Variants in OR1J2 observed in about 807,000 individuals in gnomAD.
OR1J2 encodes olfactory receptor 1J2.
For synonymous variants in OR1J2, 142 were observed against 99.7 expected, an observed-to-expected ratio of 1.42 and a Z score of -2.52; for missense variants, 304 against 246.1, an observed-to-expected ratio of 1.24 and a Z score of -1.57.
the OR1J2 span, among the ~76,000 whole-genome samples, chr9:122,522,582 CAT>C: frequency 9.6e-6 from 1 of 104,216 alleles, no homozygotes; most frequent in Admixed American, 9.5e-5. Flanking sequence ...GAACTGTGTG[CAT>C]GTGTGTGTGT....
the OR1J2 span, among the ~76,000 whole-genome samples, chr9:122,573,485 C>T: frequency 1.8e-4 from 28 of 152,134 alleles, no homozygotes; most frequent in Admixed American, 1.4e-3. Flanking sequence ...ATTTGAATTT[C>T]CCAGATGACA....
At chr9:122,569,429 T>C in the OR1J2 span, among the ~76,000 whole-genome samples, 3 of 152,248 alleles carry the variant, frequency 2.0e-5, no homozygotes, top group Non-Finnish European at 4.4e-5. Flanking sequence ...CTTCCATTTC[T>C]TGCTACTATA....
At chr9:122,542,888 G>T in the OR1J2 span, among the ~76,000 whole-genome samples, 1 of 152,152 alleles carries the variant, frequency 6.6e-6, no homozygotes, top group Admixed American at 6.6e-5. Flanking sequence ...ACTTATGTCT[G>T]GTTTCTTTGG....
chr9:122,529,462 T>C, the OR1J2 span, among the ~76,000 whole-genome samples: 2 of 152,212 alleles, frequency 1.3e-5, no homozygotes, highest in Non-Finnish European at 2.9e-5. Context: ...GCTATTTCTA[T>C]GGAGGTTCTT....
the OR1J2 span, among the ~76,000 whole-genome samples, chr9:122,566,657 A>G: frequency 6.6e-6 from 1 of 152,176 alleles, no homozygotes; most frequent in African/African-American, 2.4e-5. Flanking sequence ...ATAAACTGGG[A>G]TTTCCCTGAA....
chr9:122,526,327 G>A, the OR1J2 span: 1 of 1,359,530 alleles, frequency 7.4e-7, no homozygotes, highest in Non-Finnish European at 9.8e-7. Flanking sequence ...CCAAGCCTAT[G>A]TCTTTTCATT....
At chr9:122,484,115 CTA>C in the OR1J2 span, among the ~76,000 whole-genome samples, 4 of 152,064 alleles carry the variant, frequency 2.6e-5, no homozygotes, top group Admixed American at 6.6e-5. Context: ...TCTCTTATTT[CTA>C]TGTTTTCCCA....
At chr9:122,508,548 C>T (rs990435126), upstream of OR1J2, among the ~76,000 whole-genome samples, 6 of 152,150 alleles carry the variant, frequency 3.9e-5, no homozygotes, top group African/African-American at 1.4e-4. Context: ...CATAGAGTCT[C>T]ATTTATGATT....
chr9:122,450,498 G>T, the OR1J2 span, among the ~76,000 whole-genome samples: 1 of 151,880 alleles, frequency 6.6e-6, no homozygotes. Flanking sequence ...TATTTGTGAG[G>T]GTATAATGTG....
the OR1J2 span, among the ~76,000 whole-genome samples, chr9:122,536,468 A>G: frequency 6.6e-6 from 1 of 152,226 alleles, no homozygotes; most frequent in Non-Finnish European, 1.5e-5. Context: ...AGGCAAACAA[A>G]TAATAACAAC....
chr9:122,453,028 CAA>C, the OR1J2 span, among the ~76,000 whole-genome samples: 7,572 of 93,316 alleles, frequency 0.081, 247 homozygotes, highest in Admixed American at 0.13. Flanking sequence ...AGCTTCGTCT[CAA>C]AAAAAAAAAA....
the OR1J2 span, chr9:122,519,794 T>G: frequency 6.2e-7 from 1 of 1,614,122 alleles, no homozygotes; most frequent in Non-Finnish European, 8.5e-7. Flanking sequence ...TGATCTCTTA[T>G]GGCCACATTG....
the OR1J2 span, among the ~76,000 whole-genome samples, chr9:122,481,336 A>C: frequency 4.2e-4 from 64 of 152,260 alleles, no homozygotes; most frequent in African/African-American, 1.4e-3. Flanking sequence ...AGGATAAATG[A>C]ATCTTCCTTT....
the OR1J2 span, chr9:122,527,172 A>C: frequency 6.2e-7 from 1 of 1,614,092 alleles, no homozygotes; most frequent in Non-Finnish European, 8.5e-7. Flanking sequence ...GATGATGAGC[A>C]GGTTCCCAGT....
At chr9:122,477,410 T>C in the OR1J2 span, 2 of 1,614,004 alleles carry the variant, frequency 1.2e-6, no homozygotes, top group East Asian at 2.2e-5. Context: ...TGAGGGATGA[T>C]GTGGTCAGCA....
the OR1J2 span, among the ~76,000 whole-genome samples, chr9:122,541,045 A>G: frequency 6.6e-6 from 1 of 152,154 alleles, no homozygotes; most frequent in East Asian, 1.9e-4. Context: ...CTCCCTGCTA[A>G]CACCCTCCAG....
At chr9:122,563,125 T>C in the OR1J2 span, among the ~76,000 whole-genome samples, 1 of 152,184 alleles carries the variant, frequency 6.6e-6, no homozygotes, top group Non-Finnish European at 1.5e-5. Flanking sequence ...TACTAATTTA[T>C]ATTCTCACCA....
chr9:122,560,793 T>A, the OR1J2 span, among the ~76,000 whole-genome samples: 1 of 152,158 alleles, frequency 6.6e-6, no homozygotes, highest in Non-Finnish European at 1.5e-5. Flanking sequence ...GAGAATTTGA[T>A]GATTATGTGT....
At chr9:122,538,913 T>G in the OR1J2 span, among the ~76,000 whole-genome samples, 9 of 152,050 alleles carry the variant, frequency 5.9e-5, no homozygotes, top group Non-Finnish European at 1.0e-4. Context: ...AAACTACCTA[T>G]AGGGTACAAT....
Sources: gnomAD v4.1 joint callset for allele counts (sites outside exome capture counted in the v4.1 genomes callset) on GRCh38, gnomAD v4.1.1 for gene constraint, MANE v1.5 for transcripts, NCBI Gene and HGNC (gene_info 2026-07-23, HGNC 2026-07-21) for gene names.